Variants in SYT9 observed in about 807,000 individuals in gnomAD.
SYT9 encodes synaptotagmin-9.
Under a neutral mutation model 48.4 loss-of-function variants are expected in SYT9, and 22 were observed. That is an observed-to-expected ratio of 0.45 (90% confidence interval 0.32 to 0.65). The LOEUF is 0.65. Among genes scored for constraint, SYT9 ranks in the 30% least tolerant of loss-of-function variants. The probability of loss-of-function intolerance (pLI) is 0.03; values close to 1 mark genes in which losing one functional copy is unlikely to be tolerated. For synonymous variants in SYT9, 265 were observed against 245.0 expected (o/e 1.08, Z -0.76); for missense variants, 577 against 622.0 (o/e 0.93, Z 0.77).
intron 3 of SYT9, among the ~76,000 whole-genome samples, chr11:7,330,796 A>G (rs1226807544): frequency 3.3e-5 from 5 of 152,136 alleles, no homozygotes; most frequent in East Asian, 1.9e-4. Context: ...TCCCGGGTTC[A>G]AGCGATTCTC....
intron 6 of SYT9, among the ~76,000 whole-genome samples, chr11:7,423,740 C>T (rs1016388886): frequency 6.6e-6 from 1 of 151,932 alleles, no homozygotes; most frequent in Admixed American, 6.5e-5. Flanking sequence ...CGGGAATCCA[C>T]CACTCCTGCA....
chr11:7,454,160 G>A, intron 6 of SYT9: 2 of 985,346 alleles, frequency 2.0e-6, no homozygotes, highest in South Asian at 9.4e-5. Flanking sequence ...CTTGATGAGA[G>A]TCCAAGCCTC....
At chr11:7,334,653 C>CCAATCCCCGCCACCCATCCCCG (rs1472373132) in intron 3 of SYT9, among the ~76,000 whole-genome samples, 1 of 152,034 alleles carries the variant, frequency 6.6e-6, no homozygotes, top group Non-Finnish European at 1.5e-5. Flanking sequence ...ACCCATCCCC[C>CCAATCCCCGCCACCCATCCCCG]CAATCCCCAG....
intron 3 of SYT9, among the ~76,000 whole-genome samples, chr11:7,377,195 T>A (rs566047347): frequency 4.0e-5 from 6 of 151,770 alleles, no homozygotes; most frequent in African/African-American, 1.4e-4. Flanking sequence ...GGACCCACTC[T>A]ATGCCAGGCA....
At chr11:7,320,462 A>G (rs190548868) in intron 3 of SYT9, among the ~76,000 whole-genome samples, 8 of 152,048 alleles carry the variant, frequency 5.3e-5, no homozygotes, top group East Asian at 3.9e-4. Flanking sequence ...TATTTGTTCA[A>G]TTTTCTTTCT....
intron 3 of SYT9, among the ~76,000 whole-genome samples, chr11:7,366,830 T>C (rs1047779497): frequency 2.0e-5 from 3 of 152,054 alleles, no homozygotes; most frequent in Non-Finnish European, 4.4e-5. Flanking sequence ...GGTTTACTAT[T>C]GTATAGTTCC....
At chr11:7,381,588 T>C (rs1185008867) in intron 3 of SYT9, among the ~76,000 whole-genome samples, 1 of 152,148 alleles carries the variant, frequency 6.6e-6, no homozygotes, top group Non-Finnish European at 1.5e-5. Flanking sequence ...CAGTGAGATA[T>C]TGTTGGCTAA....
intron 1 of SYT9, among the ~76,000 whole-genome samples, chr11:7,295,279 C>T (rs1449826935): frequency 6.6e-6 from 1 of 152,232 alleles, no homozygotes; most frequent in Non-Finnish European, 1.5e-5. Flanking sequence ...CTAAATATCC[C>T]GTTTCATTGC....
At chr11:7,414,698 A>G (rs771518843) in intron 3 of SYT9, among the ~76,000 whole-genome samples, 1 of 152,092 alleles carries the variant, frequency 6.6e-6, no homozygotes, top group African/African-American at 2.4e-5. Flanking sequence ...GCATGATGCA[A>G]GAAGACACAG....
At chr11:7,310,095 C>CAT (rs1178900026) in intron 2 of SYT9, among the ~76,000 whole-genome samples, 2 of 152,082 alleles carry the variant, frequency 1.3e-5, no homozygotes, top group African/African-American at 4.8e-5. Context: ...TAATAGTATT[C>CAT]ATATCTGTGA....
intron 6 of SYT9, among the ~76,000 whole-genome samples, chr11:7,462,954 CA>C (rs1848260755): frequency 6.6e-6 from 1 of 152,206 alleles, no homozygotes; most frequent in Non-Finnish European, 1.5e-5. Flanking sequence ...TGTCACTTCA[CA>C]TTACAGTTTT....
intron 3 of SYT9, among the ~76,000 whole-genome samples, chr11:7,346,194 C>T (rs937648734): frequency 1.3e-5 from 2 of 152,068 alleles, no homozygotes; most frequent in Non-Finnish European, 1.5e-5. Context: ...TAAATAGCTC[C>T]GTGGCACATT....
In SYT9 at chr11:7,273,113, A is replaced by T. The variant is rs144225948; in HGVS notation, c.145+20782A>T. ...AGGAGAGTGGTATAAAGGAAATCTAAGGTTTCTGATTTAGGCAGCTGGGTC... is the reference window on the plus strand; with the variant it reads ...AGGAGAGTGGTATAAAGGAAATCTATGGTTTCTGATTTAGGCAGCTGGGTC... On this transcript the variant is annotated intron_variant, in intron 1 of 6. Coordinates refer to ENST00000318881, the MANE Select transcript of SYT9 (RefSeq NM_175733.4). Among the ~76,000 whole-genome samples, 111 of 152,326 alleles carry T rather than the reference A, an allele frequency of 7.3e-4. 3 individuals carry two copies. In the East Asian group the frequency reaches 0.021, roughly 29 times the overall value.
chr11:7,431,787 G>T (rs1249132781), intron 6 of SYT9, among the ~76,000 whole-genome samples: 1 of 152,354 alleles, frequency 6.6e-6, no homozygotes, highest in South Asian at 2.1e-4. Flanking sequence ...CCATAAGCTT[G>T]GGCAGCTTCC....
intron 1 of SYT9, among the ~76,000 whole-genome samples, chr11:7,268,922 C>A (rs918414283): frequency 3.3e-5 from 5 of 152,106 alleles, no homozygotes; most frequent in Non-Finnish European, 7.4e-5. Flanking sequence ...AATCTACTTT[C>A]TGTCTCTATT....
chr11:7,467,818 A>T lies in SYT9; in HGVS notation c.*1018A>T, dbSNP rs895150400. ...GAGTCATAGCCTTGGGCAACCACACATAGAGGTTTCCTTCTCACTTCAGAC... is the reference window on the plus strand; with the variant it reads ...GAGTCATAGCCTTGGGCAACCACACTTAGAGGTTTCCTTCTCACTTCAGAC... On this transcript the variant is annotated 3_prime_UTR_variant, in exon 7 of 7. Coordinates refer to ENST00000318881, the MANE Select transcript of SYT9 (RefSeq NM_175733.4). 6.5e-6 allele frequency: 1 copy of T among 153,896 alleles called. No homozygotes were observed. The highest frequency in any genetic ancestry group is 1.4e-5 in the Non-Finnish European group (1 of 69,308). 9.5% of individuals were successfully genotyped at this position (153,896 alleles called of 1,614,324 possible).
At chr11:7,358,902 AG>A (rs1196855225) in intron 3 of SYT9, among the ~76,000 whole-genome samples, 2 of 151,988 alleles carry the variant, frequency 1.3e-5, no homozygotes, top group Non-Finnish European at 2.9e-5. Flanking sequence ...CACAATGTGC[AG>A]GTTAATTACA....
chr11:7,313,856 GC>G lies in SYT9; in HGVS notation c.961del (p.Gln321LysfsTer8). The G allele has an allele frequency of 6.2e-7, 1 of 1,614,152 alleles. No homozygotes were observed. The highest frequency in any genetic ancestry group is 1.1e-5 in the South Asian group (1 of 91,086). ...AGGTTCTCTCGTCATGACTTAATCG[GC>G]CAAGTGGTGGTGGATCACTTCCTAG... The part of the protein sequence containing the change: ...FDRFSRHDLI[G>X]QVVVDHFLDL... On this transcript the variant is annotated frameshift_variant, in exon 3 of 7. Coordinates refer to ENST00000318881, the MANE Select transcript of SYT9 (RefSeq NM_175733.4). LOFTEE classifies it high-confidence loss of function.
chr11:7,307,806 G>A (rs1849059783), intron 2 of SYT9, among the ~76,000 whole-genome samples: 1 of 152,228 alleles, frequency 6.6e-6, no homozygotes, highest in Non-Finnish European at 1.5e-5. Context: ...TGTAGAGAAA[G>A]TTTTGGTGAA....
Sources: gnomAD v4.1 joint callset for allele counts (sites outside exome capture counted in the v4.1 genomes callset) on GRCh38, gnomAD v4.1.1 for gene constraint, MANE v1.5 for transcripts, NCBI Gene and HGNC (gene_info 2026-07-23, HGNC 2026-07-21) for gene names.